The following MMP16 variants were observed in gnomAD, a reference collection of about 807,000 sequenced individuals.
MMP16 encodes the protein matrix metalloproteinase-16.
A neutral mutation model predicts 67.8 loss-of-function variants in MMP16; 12 were observed. That is an observed-to-expected ratio of 0.18 (90% CI 0.11 to 0.29). The LOEUF (loss-of-function observed/expected upper bound fraction) is 0.29. Ranked by LOEUF, MMP16 falls within the 10% of genes least tolerant of loss-of-function variation. MMP16 has a pLI of 1.00. For synonymous variants in MMP16, 249 were observed against 255.9 expected, an observed-to-expected ratio of 0.97 and a Z score of 0.26; for missense variants, 475 against 765.7, an observed-to-expected ratio of 0.62 and a Z score of 4.48.
At chr8:88,061,654 A>G (rs1808401853) in intron 7 of MMP16, among the ~76,000 whole-genome samples, 1 of 152,100 alleles carries the variant, frequency 6.6e-6, no homozygotes. Flanking sequence ...GTTTATATGT[A>G]GTCCCGGTGT....
At chr8:88,095,634 G>T (rs2118359408) in intron 6 of MMP16, among the ~76,000 whole-genome samples, 1 of 151,908 alleles carries the variant, frequency 6.6e-6, no homozygotes, top group East Asian at 2.0e-4. Context: ...TTTGTAAAGT[G>T]AGTTTTTGCT....
chr8:88,077,892 G>C (rs531902767), intron 6 of MMP16, among the ~76,000 whole-genome samples: 1 of 152,184 alleles, frequency 6.6e-6, no homozygotes, highest in South Asian at 2.1e-4. Flanking sequence ...AAAGGTCTTT[G>C]AACCATAAAG....
At chr8:88,282,871 C>CAACCAAGTTTTAAA (rs1563583275) in intron 1 of MMP16, among the ~76,000 whole-genome samples, 2 of 152,054 alleles carry the variant, frequency 1.3e-5, no homozygotes, top group Admixed American at 6.6e-5. Flanking sequence ...ACATGTGTTT[C>CAACCAAGTTTTAAA]ACTTGGTTCC....
chr8:88,091,231 C>T, intron 6 of MMP16, among the ~76,000 whole-genome samples: 1 of 151,910 alleles, frequency 6.6e-6, no homozygotes. Flanking sequence ...ATCATTCATT[C>T]TTGTTGAATA....
In MMP16 at chr8:88,036,461, G is replaced by A. The variant is rs143241292; in HGVS notation, c.*5000C>T. ...AATAATTAGCTTTCATATTTGTTGC[G>A]TTGCTATTCCTGGTTGCCGCTTTAT... On this transcript the variant is annotated 3_prime_UTR_variant, in exon 10 of 10. Coordinates refer to ENST00000286614, the MANE Select transcript of MMP16 (RefSeq NM_005941.5). 1.4e-4 allele frequency: 21 copies of A among 151,540 alleles called. No individual in the cohort carries two copies. The highest frequency in any genetic ancestry group is 4.2e-4 in the South Asian group (2 of 4,814). The allele number at this position is 151,540 out of a possible 1,614,324, so 9.4% of individuals were successfully genotyped here. A position where few individuals can be genotyped will look rare whatever the true frequency, so the allele number is the denominator to read the frequency against.
intron 1 of MMP16, among the ~76,000 whole-genome samples, chr8:88,228,253 C>T (rs897182112): frequency 6.6e-6 from 1 of 152,036 alleles, no homozygotes; most frequent in Non-Finnish European, 1.5e-5. Flanking sequence ...CCCTTAGATG[C>T]ACTTCTAGGA....
At chr8:88,109,826 T>G (rs2118407404) in intron 6 of MMP16, among the ~76,000 whole-genome samples, 1 of 151,302 alleles carries the variant, frequency 6.6e-6, no homozygotes, top group East Asian at 2.0e-4. Flanking sequence ...ACAGACATTT[T>G]TAACATGGAA....
At chr8:88,251,089 C>A (rs1393837872) in intron 1 of MMP16, among the ~76,000 whole-genome samples, 2 of 151,696 alleles carry the variant, frequency 1.3e-5, no homozygotes, top group African/African-American at 2.4e-5. Flanking sequence ...CATCCATGTC[C>A]CTACAAAGGA....
intron 4 of MMP16, among the ~76,000 whole-genome samples, chr8:88,161,087 T>C (rs966345137): frequency 9.2e-5 from 14 of 152,180 alleles, no homozygotes; most frequent in African/African-American, 3.4e-4. Flanking sequence ...GGATTCCCTC[T>C]TTTTCTATTG....
At chr8:88,197,374 T>G (rs1809273293) in intron 1 of MMP16, 68 bp from the exon 2 acceptor site, 2 of 1,350,644 alleles carry the variant, frequency 1.5e-6, no homozygotes, top group Non-Finnish European at 2.0e-6. Context: ...TGGTAATTAA[T>G]GTATATCTAT....
In MMP16 at chr8:88,037,622, G is replaced by A. The variant is rs2118174166; in HGVS notation, c.*3839C>T. 6.6e-6 allele frequency: 1 copy of A among 152,048 alleles called. No homozygotes were observed. The highest frequency in any genetic ancestry group is 1.9e-4 in the East Asian group (1 of 5,172). 9.4% of individuals were successfully genotyped at this position (152,048 alleles called of 1,614,324 possible). A position where few individuals can be genotyped will look rare whatever the true frequency, so the allele number is the denominator to read the frequency against. On this transcript the variant is annotated 3_prime_UTR_variant, in exon 10 of 10. Transcript: ENST00000286614. ...TGTATTCACCTGCTCTGACTGCCAT[G>A]TCAACAGACACTGTTCTGAAATGAG...
chr8:88,064,529 T>C (rs1808439789), intron 7 of MMP16, among the ~76,000 whole-genome samples: 1 of 152,024 alleles, frequency 6.6e-6, no homozygotes, highest in African/African-American at 2.4e-5. Context: ...AATTTGTACA[T>C]AGGATGCTAA....
chr8:88,316,800 T>C (rs1811381508), intron 1 of MMP16, among the ~76,000 whole-genome samples: 1 of 152,162 alleles, frequency 6.6e-6, no homozygotes, highest in Non-Finnish European at 1.5e-5. Flanking sequence ...CTCTGATAGA[T>C]CTCAGCAAAG....
intron 1 of MMP16, among the ~76,000 whole-genome samples, chr8:88,266,053 C>A (rs1810472140): frequency 6.6e-6 from 1 of 152,208 alleles, no homozygotes; most frequent in Non-Finnish European, 1.5e-5. Context: ...TGGCATTCTG[C>A]AAGGGACATG....
chr8:88,159,372 C>A (rs1808572759), intron 4 of MMP16, among the ~76,000 whole-genome samples: 1 of 152,080 alleles, frequency 6.6e-6, no homozygotes, highest in Non-Finnish European at 1.5e-5. Flanking sequence ...TTGAAGAGGT[C>A]CTTCACATCC....
chr8:88,207,933 T>C (rs540558439), intron 1 of MMP16, among the ~76,000 whole-genome samples: 9 of 152,230 alleles, frequency 5.9e-5, no homozygotes, highest in Admixed American at 2.6e-4. Context: ...AAGGTGAAGG[T>C]TCTAAAGCTG....
At chr8:88,286,316 A>C (rs1429146414) in intron 1 of MMP16, among the ~76,000 whole-genome samples, 5 of 152,004 alleles carry the variant, frequency 3.3e-5, no homozygotes, top group African/African-American at 1.2e-4. Flanking sequence ...TCCTTTCCTA[A>C]ATAATATTCT....
intron 6 of MMP16, among the ~76,000 whole-genome samples, chr8:88,082,468 A>G (rs1228925897): frequency 1.3e-5 from 2 of 152,116 alleles, no homozygotes; most frequent in Non-Finnish European, 2.9e-5. Context: ...GATGCAATAC[A>G]TTACAAAATC....
At chr8:88,325,644 A>G in intron 1 of MMP16, among the ~76,000 whole-genome samples, 1 of 152,242 alleles carries the variant, frequency 6.6e-6, no homozygotes, top group South Asian at 2.1e-4. Context: ...CAAATTTGCA[A>G]TAAAAAAAGT....
Sources: gnomAD v4.1 joint callset for allele counts (sites outside exome capture counted in the v4.1 genomes callset) on GRCh38, gnomAD v4.1.1 for gene constraint, MANE v1.5 for transcripts, NCBI Gene and HGNC (gene_info 2026-07-23, HGNC 2026-07-21) for gene names.